GABRB2: variants seen among roughly 807,000 people sequenced by gnomAD.
The protein encoded by GABRB2 is gamma-aminobutyric acid receptor subunit beta-2.
A neutral mutation model predicts 54.7 loss-of-function variants in GABRB2; 16 were observed. The ratio of observed to expected loss-of-function variants is 0.29; its 90% CI spans 0.20 to 0.44. The LOEUF (loss-of-function observed/expected upper bound fraction) is 0.44. Ranked by LOEUF, GABRB2 falls within the 20% of genes least tolerant of loss-of-function variation. The pLI, the probability that GABRB2 is intolerant of heterozygous loss-of-function variation, is 1.00. For missense variants in GABRB2, 355 were observed against 644.0 expected (o/e 0.55, Z 4.86); for synonymous variants, 244 against 233.8 (o/e 1.04, Z -0.40).
At chr5:161,420,808 T>C (rs1372835000) in intron 4 of GABRB2, among the ~76,000 whole-genome samples, 1 of 152,220 alleles carries the variant, frequency 6.6e-6, no homozygotes, top group African/African-American at 2.4e-5. Flanking sequence ...CTCTGACTGA[T>C]AGAATACATT....
chr5:161,338,109 A>G (rs1754044511), intron 5 of GABRB2, among the ~76,000 whole-genome samples: 1 of 152,176 alleles, frequency 6.6e-6, no homozygotes, highest in African/African-American at 2.4e-5. Context: ...AAAATAAGGT[A>G]GAAACAAATT....
At chr5:161,395,398 T>A (rs1031462388) in intron 5 of GABRB2, among the ~76,000 whole-genome samples, 1 of 152,154 alleles carries the variant, frequency 6.6e-6, no homozygotes, top group Non-Finnish European at 1.5e-5. Flanking sequence ...ATCCAACTAT[T>A]CATCTATCCA....
Position 161,334,908 on chromosome 5 carries a change from G to T in GABRB2, c.680-4C>A. On this transcript the variant is annotated splice_polypyrimidine_tract_variant and splice_region_variant and intron_variant, in intron 6 of 9. Coordinates refer to ENST00000393959, the MANE Select transcript of GABRB2 (RefSeq NM_001371727.1). ...AGGGATAACCTGGGATAGGAACCTAGAAAGGCAATTTTAGAACATCATCAT... is the reference window on the plus strand; with the variant it reads ...AGGGATAACCTGGGATAGGAACCTATAAAGGCAATTTTAGAACATCATCAT... 6.2e-6 allele frequency: 10 copies of T among 1,613,366 alleles called. No homozygotes were observed. The highest frequency in any genetic ancestry group is 1.3e-5 in the African/African-American group (1 of 75,024).
intron 4 of GABRB2, among the ~76,000 whole-genome samples, chr5:161,451,567 A>G (rs1757787835): frequency 6.6e-6 from 1 of 152,204 alleles, no homozygotes; most frequent in Non-Finnish European, 1.5e-5. Context: ...TAAAATAAGA[A>G]GTAAATTTTA....
intron 5 of GABRB2, among the ~76,000 whole-genome samples, chr5:161,406,791 C>G (rs944256251): frequency 6.6e-6 from 1 of 151,966 alleles, no homozygotes; most frequent in Non-Finnish European, 1.5e-5. Flanking sequence ...GGACTTTTTT[C>G]TTTTTCTAAA....
chr5:161,443,019 A>G (rs1048654976), intron 4 of GABRB2, among the ~76,000 whole-genome samples: 1 of 152,114 alleles, frequency 6.6e-6, no homozygotes, highest in African/African-American at 2.4e-5. Context: ...TGCTATCTAC[A>G]GAGGTAAGCC....
chr5:161,424,235 C>T (rs1179069573), intron 4 of GABRB2, among the ~76,000 whole-genome samples: 5 of 152,138 alleles, frequency 3.3e-5, no homozygotes, highest in Non-Finnish European at 1.5e-5. Flanking sequence ...GGCTACTCCA[C>T]ACAACGGAGT....
chr5:161,537,806 TCA>T (rs1368976099), intron 3 of GABRB2, among the ~76,000 whole-genome samples: 11 of 152,114 alleles, frequency 7.2e-5, no homozygotes, highest in Non-Finnish European at 1.3e-4. Flanking sequence ...AAAATGGTCT[TCA>T]TCTTTTGATC....
intron 7 of GABRB2, among the ~76,000 whole-genome samples, chr5:161,333,388 A>T (rs1753909525): frequency 6.6e-6 from 1 of 152,178 alleles, no homozygotes; most frequent in Non-Finnish European, 1.5e-5. Context: ...GTTAGTCTAC[A>T]CACAGGGGAG....
At chr5:161,369,040 A>G (rs1297853148) in intron 5 of GABRB2, among the ~76,000 whole-genome samples, 4 of 152,236 alleles carry the variant, frequency 2.6e-5, no homozygotes, top group African/African-American at 9.6e-5. Context: ...CCAATTATAC[A>G]TGTTGACAAC....
At chr5:161,301,929 T>C (rs1352878948) in intron 9 of GABRB2, among the ~76,000 whole-genome samples, 1 of 152,238 alleles carries the variant, frequency 6.6e-6, no homozygotes, top group African/African-American at 2.4e-5. Flanking sequence ...AACAAAGAAG[T>C]CTCCTGCTTC....
chr5:161,547,343 A>G (rs1761019223), upstream of GABRB2, among the ~76,000 whole-genome samples: 1 of 151,310 alleles, frequency 6.6e-6, no homozygotes, highest in South Asian at 2.1e-4. Flanking sequence ...GCGGGTACAG[A>G]ATAAGAAAGG....
intron 3 of GABRB2, among the ~76,000 whole-genome samples, chr5:161,485,059 G>A (rs748455202): frequency 3.3e-5 from 5 of 151,958 alleles, no homozygotes; most frequent in East Asian, 3.9e-4. Flanking sequence ...CTGTATGACC[G>A]TTCCCTTCTC....
chr5:161,449,563 G>A (rs918823120), intron 4 of GABRB2, among the ~76,000 whole-genome samples: 1 of 152,110 alleles, frequency 6.6e-6, no homozygotes, highest in African/African-American at 2.4e-5. Context: ...AATGTAATTA[G>A]AGAAAACTTA....
chr5:161,388,569 T>C (rs1447018815), intron 5 of GABRB2, among the ~76,000 whole-genome samples: 1 of 152,040 alleles, frequency 6.6e-6, no homozygotes, highest in East Asian at 1.9e-4. Flanking sequence ...CTAATAATTC[T>C]TAATGCCTTT....
At position 161,329,261 on chromosome 5, in the gene GABRB2, ATTCTC is replaced by A. The variant is rs545769173; in HGVS notation, c.1077+1617_1077+1621del. ...TATTTGTTTGTTTATTTATTTATTTATTCTCTTCTCTTCTCTAAGACTACTATGTC... is the reference window on the plus strand; with the variant it reads ...TATTTGTTTGTTTATTTATTTATTTATTCTCTTCTCTAAGACTACTATGTC... On this transcript the variant is annotated intron_variant, in intron 8 of 9. Coordinates refer to ENST00000393959, the MANE Select transcript of GABRB2 (RefSeq NM_001371727.1). 2.8e-3 allele frequency among the ~76,000 whole-genome samples: 428 copies of A among 152,256 alleles called. 2 individuals carry two copies. Among genetic ancestry groups the A allele is most frequent in the African/African-American group, 9.2e-3 (384 of 41,572 alleles).
intron 9 of GABRB2, among the ~76,000 whole-genome samples, chr5:161,305,857 G>A (rs967990452): frequency 1.3e-5 from 2 of 152,206 alleles, no homozygotes; most frequent in Admixed American, 6.5e-5. Flanking sequence ...GAGAAAAGGA[G>A]CTATGTTTTT....
At chr5:161,443,963 T>C (rs2113216592) in intron 4 of GABRB2, among the ~76,000 whole-genome samples, 1 of 152,300 alleles carries the variant, frequency 6.6e-6, no homozygotes, top group Non-Finnish European at 1.5e-5. Flanking sequence ...GGAAAAAGCA[T>C]TTCTCATTAT....
At chr5:161,315,090 A>G (rs1010778678) in intron 9 of GABRB2, among the ~76,000 whole-genome samples, 35 of 152,316 alleles carry the variant, frequency 2.3e-4, no homozygotes, top group Middle Eastern at 3.4e-3. Flanking sequence ...ATAAAAATTG[A>G]GCATAAAAAT....
Sources: allele counts gnomAD v4.1 joint callset (sites outside exome capture counted in the v4.1 genomes callset), GRCh38; gene constraint gnomAD v4.1.1; transcripts MANE v1.5; gene names NCBI Gene and HGNC (gene_info 2026-07-23, HGNC 2026-07-21).